Variants in STPG2 observed in about 807,000 individuals in gnomAD.
The protein encoded by STPG2 is sperm tail PG-rich repeat containing 2.
Under a neutral mutation model 54.2 loss-of-function variants are expected in STPG2, and 56 were observed. The observed-to-expected ratio is 1.03, with a 90% CI of 0.83 to 1.29. The LOEUF is 1.29. Among genes scored for constraint, STPG2 ranks in the 50% most tolerant of loss-of-function variants. STPG2 has a pLI of 0.00. For missense variants in STPG2, 596 were observed against 544.9 expected, an observed-to-expected ratio of 1.09 and a Z score of -0.93; for synonymous variants, 200 against 181.8, an observed-to-expected ratio of 1.10 and a Z score of -0.81.
chr4:97,619,835 T>G (rs1016952007), intron 10 of STPG2, among the ~76,000 whole-genome samples: 1 of 150,626 alleles, frequency 6.6e-6, no homozygotes, highest in Non-Finnish European at 1.5e-5. Flanking sequence ...TTTTTTTTTT[T>G]TTTTTTGAGA....
chr4:97,898,391 A>G (rs1442829450), intron 8 of STPG2, among the ~76,000 whole-genome samples: 2 of 151,740 alleles, frequency 1.3e-5, no homozygotes, highest in East Asian at 3.9e-4. Context: ...GTTGGAAATG[A>G]GGAAAATAAG....
chr4:97,712,915 G>T, intron 9 of STPG2, 101 bp from the exon 10 acceptor site: 1 of 695,024 alleles, frequency 1.4e-6, no homozygotes, highest in Non-Finnish European at 2.2e-6. Context: ...TATAAAATTA[G>T]CATGAAACAA....
chr4:98,067,472 ATTATACAGCC>A (rs748759238), intron 5 of STPG2, among the ~76,000 whole-genome samples: 64 of 152,332 alleles, frequency 4.2e-4, no homozygotes, highest in Non-Finnish European at 6.5e-4. Context: ...ATTGCTGATT[ATTATACAGCC>A]AGAAGCCAGA....
chr4:97,791,835 G>A (rs560657323), intron 9 of STPG2, among the ~76,000 whole-genome samples: 12 of 151,644 alleles, frequency 7.9e-5, no homozygotes, highest in South Asian at 4.1e-4. Flanking sequence ...AAAAAAGTAC[G>A]TTGATGAAAC....
chr4:98,027,115 G>C (rs994294641), intron 5 of STPG2, among the ~76,000 whole-genome samples: 4 of 152,062 alleles, frequency 2.6e-5, no homozygotes, highest in Non-Finnish European at 4.4e-5. Flanking sequence ...TGTTCCCAGG[G>C]GAAAGGCAAT....
At chr4:97,849,054 G>C (rs1368715494) in intron 8 of STPG2, among the ~76,000 whole-genome samples, 1 of 151,340 alleles carries the variant, frequency 6.6e-6, no homozygotes, top group Non-Finnish European at 1.5e-5. Context: ...TTGGTAGCTT[G>C]ATGGGGATGG....
chr4:97,443,956 A>T (rs1050789267), intron 4 of STPG2, among the ~76,000 whole-genome samples: 4 of 152,186 alleles, frequency 2.6e-5, no homozygotes, highest in Non-Finnish European at 5.9e-5. Flanking sequence ...CAAGATCAAG[A>T]ATCTCACTAT....
chr4:97,550,381 CA>C (rs1441102961), intron 4 of STPG2, among the ~76,000 whole-genome samples: 1 of 151,346 alleles, frequency 6.6e-6, no homozygotes, highest in African/African-American at 2.4e-5. Flanking sequence ...TCAAGAAACA[CA>C]AAAAAATATT....
intron 4 of STPG2, among the ~76,000 whole-genome samples, chr4:97,493,835 T>G (rs771705818): frequency 1.3e-5 from 2 of 151,548 alleles, no homozygotes; most frequent in Non-Finnish European, 3.0e-5. Flanking sequence ...GGTCACCCCC[T>G]AACAAACAAC....
chr4:97,755,624 T>C (rs977970792), intron 9 of STPG2, among the ~76,000 whole-genome samples: 2 of 152,224 alleles, frequency 1.3e-5, no homozygotes, highest in African/African-American at 4.8e-5. Context: ...GAATAGACTG[T>C]CAATTGTGTG....
chr4:97,634,104 T>C (rs2148936289), intron 10 of STPG2, among the ~76,000 whole-genome samples: 1 of 152,292 alleles, frequency 6.6e-6, no homozygotes, highest in South Asian at 2.1e-4. Flanking sequence ...CTGACAGCTT[T>C]GAAGAGAGCA....
chr4:97,720,184 T>C (rs1458975137), intron 9 of STPG2, among the ~76,000 whole-genome samples: 1 of 151,970 alleles, frequency 6.6e-6, no homozygotes, highest in Non-Finnish European at 1.5e-5. Context: ...AAATTCAAGC[T>C]TTCTATAGCC....
intron 10 of STPG2, among the ~76,000 whole-genome samples, chr4:97,586,202 A>T (rs983868749): frequency 6.6e-6 from 1 of 151,976 alleles, no homozygotes; most frequent in African/African-American, 2.4e-5. Flanking sequence ...CTGGATGGAC[A>T]CAATAATAGA....
intron 5 of STPG2, among the ~76,000 whole-genome samples, chr4:98,021,384 C>T (rs1308938805): frequency 6.9e-6 from 1 of 144,524 alleles, no homozygotes; most frequent in Non-Finnish European, 1.5e-5. Flanking sequence ...GTCTGAGAGA[C>T]AGTTCGTTAT....
chr4:97,738,881 C>T (rs1233049435), intron 9 of STPG2, among the ~76,000 whole-genome samples: 6 of 152,122 alleles, frequency 3.9e-5, no homozygotes, highest in African/African-American at 7.2e-5. Context: ...ATCTACAGAA[C>T]TCTCCACCCC....
At chr4:97,906,595 A>G (rs1731434307) in intron 8 of STPG2, among the ~76,000 whole-genome samples, 1 of 152,186 alleles carries the variant, frequency 6.6e-6, no homozygotes, top group Admixed American at 6.6e-5. Flanking sequence ...ATCCTTGATG[A>G]ACATTGATGC....
At chr4:97,636,226 T>G (rs1467193541) in intron 10 of STPG2, among the ~76,000 whole-genome samples, 2 of 145,160 alleles carry the variant, frequency 1.4e-5, no homozygotes, top group Admixed American at 7.1e-5. Context: ...CTGAACAACC[T>G]GCTCCTGAAT....
At chr4:97,683,554 T>C (rs978731734) in intron 10 of STPG2, among the ~76,000 whole-genome samples, 2 of 151,758 alleles carry the variant, frequency 1.3e-5, no homozygotes, top group African/African-American at 4.8e-5. Flanking sequence ...AGAAAAACAT[T>C]TGACAAAACC....
At chr4:98,023,528 C>G (rs1040421626) in intron 5 of STPG2, among the ~76,000 whole-genome samples, 2 of 152,172 alleles carry the variant, frequency 1.3e-5, no homozygotes, top group South Asian at 2.1e-4. Context: ...TCTCCAGCTG[C>G]GTGCTGGGGG....
Sources: allele counts gnomAD v4.1 joint callset (sites outside exome capture counted in the v4.1 genomes callset), GRCh38; gene constraint gnomAD v4.1.1; transcripts MANE v1.5; gene names NCBI Gene and HGNC (gene_info 2026-07-23, HGNC 2026-07-21).